CAMKMT: variants seen among roughly 807,000 people sequenced by gnomAD.
The protein encoded by CAMKMT is calmodulin-lysine N-methyltransferase.
In CAMKMT, 53 loss-of-function variants were observed where a neutral mutation model predicts 48.0. That is an observed-to-expected ratio of 1.10 (90% confidence interval 0.89 to 1.39). The LOEUF (loss-of-function observed/expected upper bound fraction) is 1.39, where lower values mean the gene tolerates loss of function less well. Ranked by LOEUF, CAMKMT falls within the 40% of genes most tolerant of loss-of-function variation. The pLI, the probability that CAMKMT is intolerant of heterozygous loss-of-function variation, is 0.00. For missense variants in CAMKMT, 428 were observed against 402.7 expected, an observed-to-expected ratio of 1.06 and a Z score of -0.54; for synonymous variants, 165 against 152.3, an observed-to-expected ratio of 1.08 and a Z score of -0.61.
chr2:44,379,392 T>C (rs541778338), intron 2 of CAMKMT, among the ~76,000 whole-genome samples: 1 of 152,348 alleles, frequency 6.6e-6, no homozygotes, highest in South Asian at 2.1e-4. Flanking sequence ...AGTTTTTGTG[T>C]GAACATATGC....
intron 3 of CAMKMT, among the ~76,000 whole-genome samples, chr2:44,606,635 A>AT (rs997193411): frequency 2.0e-5 from 3 of 152,160 alleles, no homozygotes; most frequent in African/African-American, 7.2e-5. Context: ...GATAATAGAT[A>AT]TTTTTTGTTG....
chr2:44,465,897 AC>A (rs1367088806), intron 3 of CAMKMT, among the ~76,000 whole-genome samples: 17 of 152,222 alleles, frequency 1.1e-4, no homozygotes, highest in Non-Finnish European at 1.6e-4. Flanking sequence ...CCCTACTTAG[AC>A]AAAATAAACT....
At chr2:44,416,170 A>G (rs1683536973) in intron 3 of CAMKMT, among the ~76,000 whole-genome samples, 2 of 152,226 alleles carry the variant, frequency 1.3e-5, no homozygotes, top group South Asian at 2.1e-4. Context: ...GTTAATGGAT[A>G]TGTTTTGGGT....
chr2:44,691,833 C>T (rs1358994124), intron 3 of CAMKMT, among the ~76,000 whole-genome samples: 9 of 152,184 alleles, frequency 5.9e-5, no homozygotes, highest in African/African-American at 1.9e-4. Flanking sequence ...GCAGCATCAA[C>T]GTTCCATAAA....
intron 3 of CAMKMT, among the ~76,000 whole-genome samples, chr2:44,542,999 A>G (rs1667212454): frequency 6.6e-6 from 1 of 152,226 alleles, no homozygotes; most frequent in South Asian, 2.1e-4. Context: ...ATTAAAATAG[A>G]GAACCGAGTT....
intron 9 of CAMKMT, among the ~76,000 whole-genome samples, chr2:44,754,600 T>C (rs2104390020): frequency 1.3e-5 from 2 of 152,316 alleles, no homozygotes; most frequent in Admixed American, 1.3e-4. Flanking sequence ...ATATTAATAG[T>C]TCTTTGCTTT....
At chr2:44,561,797 G>A (rs1668337648) in intron 3 of CAMKMT, among the ~76,000 whole-genome samples, 1 of 152,162 alleles carries the variant, frequency 6.6e-6, no homozygotes, top group South Asian at 2.1e-4. Context: ...TTCTGATAAA[G>A]AAAATAAAGT....
intron 3 of CAMKMT, among the ~76,000 whole-genome samples, chr2:44,527,436 T>C: frequency 6.9e-6 from 1 of 144,502 alleles, no homozygotes; most frequent in South Asian, 2.1e-4. Flanking sequence ...ATATATTTTT[T>C]TTTTTGGTAG....
intron 3 of CAMKMT, among the ~76,000 whole-genome samples, chr2:44,459,261 A>G (rs1337701715): frequency 2.6e-5 from 4 of 152,172 alleles, no homozygotes; most frequent in Admixed American, 2.0e-4. Flanking sequence ...CTTTATTTTC[A>G]TTTTAAAGAT....
chr2:44,592,609 G>A (rs573010116), intron 3 of CAMKMT, among the ~76,000 whole-genome samples: 3 of 152,186 alleles, frequency 2.0e-5, no homozygotes, highest in African/African-American at 4.8e-5. Flanking sequence ...TGTTATTATT[G>A]TTAATCTCTT....
intron 3 of CAMKMT, among the ~76,000 whole-genome samples, chr2:44,483,074 G>A (rs1291586951): frequency 6.6e-6 from 1 of 152,090 alleles, no homozygotes; most frequent in Non-Finnish European, 1.5e-5. Flanking sequence ...GGCAAGACAT[G>A]TGCTTAGCAC....
At chr2:44,691,218 G>A (rs1044353338) in intron 3 of CAMKMT, among the ~76,000 whole-genome samples, 2 of 152,252 alleles carry the variant, frequency 1.3e-5, no homozygotes, top group South Asian at 2.1e-4. Context: ...TATGACCGCC[G>A]TGCATTTCTT....
intron 3 of CAMKMT, among the ~76,000 whole-genome samples, chr2:44,418,894 T>C (rs1683744758): frequency 6.6e-6 from 1 of 152,248 alleles, no homozygotes; most frequent in Non-Finnish European, 1.5e-5. Flanking sequence ...TGTCTCTTTA[T>C]GTAGGTATTC....
chr2:44,605,999 T>C (rs2103876199), intron 3 of CAMKMT, among the ~76,000 whole-genome samples: 1 of 152,332 alleles, frequency 6.6e-6, no homozygotes, highest in South Asian at 2.1e-4. Flanking sequence ...ATATAGTTCA[T>C]GAACCATTTG....
At chr2:44,453,722 A>T (rs1558627560) in intron 3 of CAMKMT, among the ~76,000 whole-genome samples, 1 of 152,226 alleles carries the variant, frequency 6.6e-6, no homozygotes, top group East Asian at 1.9e-4. Flanking sequence ...ACTGTTAAGA[A>T]TATGTAATCA....
chr2:44,504,438 T>G (rs139494700), intron 3 of CAMKMT, among the ~76,000 whole-genome samples: 1 of 152,200 alleles, frequency 6.6e-6, no homozygotes, highest in Admixed American at 6.5e-5. Flanking sequence ...TTGGCTTACC[T>G]TATGATTCCA....
At position 44,743,697 on chromosome 2, in the gene CAMKMT, G is replaced by C; in HGVS notation, c.698+1G>C. The C allele has an allele frequency of 6.2e-7, 1 of 1,608,928 alleles. No homozygotes were observed. The highest frequency in any genetic ancestry group is 2.2e-5 in the East Asian group (1 of 44,808). On this transcript the variant is annotated splice_donor_variant, in intron 8 of 10. Coordinates refer to ENST00000378494, the MANE Select transcript of CAMKMT (RefSeq NM_024766.5). LOFTEE classifies it high-confidence loss of function. Reference sequence around the variant, plus strand: ...TTGACATTGTTATGTGTGCTGACTGGTAAGTACATAAAAATCACAAAACTC... The same window carrying C: ...TTGACATTGTTATGTGTGCTGACTGCTAAGTACATAAAAATCACAAAACTC...
chr2:44,701,222 C>T (rs1023339040), intron 3 of CAMKMT, among the ~76,000 whole-genome samples: 16 of 152,180 alleles, frequency 1.1e-4, no homozygotes, highest in African/African-American at 3.6e-4. Flanking sequence ...TCCAAAGTGG[C>T]TACATGATTT....
At chr2:44,605,790 G>T (rs1241975859) in intron 3 of CAMKMT, among the ~76,000 whole-genome samples, 1 of 152,062 alleles carries the variant, frequency 6.6e-6, no homozygotes, top group African/African-American at 2.4e-5. Context: ...GAGAGTGAGT[G>T]CTGAGGGAAT....
Sources: allele counts gnomAD v4.1 joint callset (sites outside exome capture counted in the v4.1 genomes callset), GRCh38; gene constraint gnomAD v4.1.1; transcripts MANE v1.5; gene names NCBI Gene and HGNC (gene_info 2026-07-23, HGNC 2026-07-21).